ADGRL2: variants seen among roughly 807,000 people sequenced by gnomAD.
ADGRL2 encodes the protein calcium-independent alpha-latrotoxin receptor 2.
A neutral mutation model predicts 157.4 loss-of-function variants in ADGRL2; 44 were observed. That is an observed-to-expected ratio of 0.28 (90% CI 0.22 to 0.36). ADGRL2 has a LOEUF of 0.36. Ranked by LOEUF, ADGRL2 falls within the 10% of genes least tolerant of loss-of-function variation. The pLI, the probability that ADGRL2 is intolerant of heterozygous loss-of-function variation, is 1.00. For synonymous variants in ADGRL2, 585 were observed against 624.7 expected (o/e 0.94, Z 0.95); for missense variants, 1,510 against 1,768.9 (o/e 0.85, Z 2.63).
At chr1:81,581,704 T>C (rs1570562861) in intron 3 of ADGRL2, among the ~76,000 whole-genome samples, 1 of 152,150 alleles carries the variant, frequency 6.6e-6, no homozygotes, top group African/African-American at 2.4e-5. Context: ...TCATCAATAC[T>C]TCTGGAGTTT....
At chr1:81,485,160 T>A (rs1426040495) in intron 2 of ADGRL2, among the ~76,000 whole-genome samples, 1 of 145,144 alleles carries the variant, frequency 6.9e-6, no homozygotes, top group African/African-American at 2.6e-5. Context: ...AAAGAAAAAA[T>A]ATGTGTTTGA....
intron 1 of ADGRL2, among the ~76,000 whole-genome samples, chr1:81,820,896 C>T (rs2090926952): frequency 6.6e-6 from 1 of 152,118 alleles, no homozygotes; most frequent in South Asian, 2.1e-4. Flanking sequence ...TGTAGTTCTC[C>T]ATGGCCTATA....
At position 81,634,229 on chromosome 1, in the gene ADGRL2, A is replaced by C. The variant is rs560029854; in HGVS notation, c.-143+53249A>C. Among the ~76,000 whole-genome samples, 5 of 152,232 alleles carry C rather than the reference A, an allele frequency of 3.3e-5. No homozygotes were observed. In the East Asian group the frequency reaches 9.7e-4, roughly 30 times the overall value. ...TAATATTAACCACCGAACCCAATTAATCTCTTGCCCAGACTACTACAAAAG... is the reference window on the plus strand; with the variant it reads ...TAATATTAACCACCGAACCCAATTACTCTCTTGCCCAGACTACTACAAAAG... On this transcript the variant is annotated intron_variant, in intron 3 of 24. Transcript: ENST00000370721.
chr1:81,416,391 A>G (rs1025796841), intron 1 of ADGRL2, among the ~76,000 whole-genome samples: 2 of 151,862 alleles, frequency 1.3e-5, no homozygotes, highest in African/African-American at 2.4e-5. Flanking sequence ...TACCTCTTAC[A>G]TTAACAGAGA....
At chr1:81,919,552 A>G (rs1002579592) in intron 3 of ADGRL2, among the ~76,000 whole-genome samples, 4 of 100,514 alleles carry the variant, frequency 4.0e-5, no homozygotes, top group African/African-American at 1.5e-4. Context: ...AGTAAATGAA[A>G]GCTTTTTTTT....
At chr1:81,759,930 G>T (rs2085815928) in intron 1 of ADGRL2, among the ~76,000 whole-genome samples, 1 of 152,090 alleles carries the variant, frequency 6.6e-6, no homozygotes, top group Non-Finnish European at 1.5e-5. Context: ...ACTGGAGGTT[G>T]TTTCCTTTAC....
At chr1:81,705,257 T>A (rs928039701) in intron 1 of ADGRL2, among the ~76,000 whole-genome samples, 5 of 152,060 alleles carry the variant, frequency 3.3e-5, no homozygotes, top group Non-Finnish European at 7.4e-5. Context: ...GGTCTTGAAC[T>A]CCTGACCTTG....
At chr1:81,423,405 C>T (rs2077159808) in intron 1 of ADGRL2, among the ~76,000 whole-genome samples, 1 of 152,154 alleles carries the variant, frequency 6.6e-6, no homozygotes, top group Admixed American at 6.5e-5. Context: ...CCTATACCTA[C>T]TATTCAATGC....
At chr1:81,605,926 A>T (rs79324051) in intron 3 of ADGRL2, among the ~76,000 whole-genome samples, 4,011 of 152,310 alleles carry the variant, frequency 0.026, 169 homozygotes, top group African/African-American at 0.091. Flanking sequence ...GATGACTAAA[A>T]TTTTAAAACT....
chr1:81,441,947 C>T (rs948840515), intron 1 of ADGRL2, among the ~76,000 whole-genome samples: 5 of 152,154 alleles, frequency 3.3e-5, no homozygotes, highest in Non-Finnish European at 7.3e-5. Context: ...GTGATCTTCT[C>T]ACCTCAGCCT....
At position 81,894,429 on chromosome 1, in the gene ADGRL2, CTAGAG is replaced by C. The variant is rs528451434; in HGVS notation, c.74-12585_74-12581del. On this transcript the variant is annotated intron_variant, in intron 2 of 23. Transcript: ENST00000686636. ...AATAGCACAATAGTCACAGCATTCACTAGAGTATTTTTGTTTCTTTTGTGTGTATC... is the reference window on the plus strand; with the variant it reads ...AATAGCACAATAGTCACAGCATTCACTATTTTTGTTTCTTTTGTGTGTATC... Among the ~76,000 whole-genome samples, 257 of 152,218 alleles carry C rather than the reference CTAGAG, an allele frequency of 1.7e-3. 1 individual carries two copies. Among genetic ancestry groups the C allele is most frequent in the Non-Finnish European group, 2.6e-3 (175 of 67,998 alleles).
In ADGRL2 at chr1:81,352,621, G is replaced by A. The variant is rs182764880; in HGVS notation, c.-302+46112G>A. The stretch of plus-strand genomic sequence containing the variant: ...CAATGGCGATTAAATAAGGATTAGT[G>A]TTATATGGCCTTCCTATCAACTTAA... On this transcript the variant is annotated intron_variant, in intron 1 of 24. Transcript: ENST00000370721. 3.4e-4 allele frequency among the ~76,000 whole-genome samples: 52 copies of A among 152,290 alleles called. No homozygotes were observed. The East Asian group carries it at 7.2e-3, about 21-fold the overall frequency.
At chr1:81,697,615 A>G (rs2083472476), upstream of ADGRL2, among the ~76,000 whole-genome samples, 1 of 152,162 alleles carries the variant, frequency 6.6e-6, no homozygotes, top group Non-Finnish European at 1.5e-5. Context: ...AATGACACAA[A>G]ATGAAATGTG....
intron 2 of ADGRL2, among the ~76,000 whole-genome samples, chr1:81,861,204 A>T (rs1022517778): frequency 6.6e-6 from 1 of 151,990 alleles, no homozygotes; most frequent in Non-Finnish European, 1.5e-5. Flanking sequence ...TATTTTTAGT[A>T]AAGACGGGGT....
chr1:81,974,581 A>T (rs1204160835), intron 17 of ADGRL2, among the ~76,000 whole-genome samples: 1 of 152,136 alleles, frequency 6.6e-6, no homozygotes, highest in Non-Finnish European at 1.5e-5. Context: ...GGGAGGACAA[A>T]AAGGGTCAGA....
chr1:81,778,886 T>G (rs1024807311), intron 2 of ADGRL2, among the ~76,000 whole-genome samples: 6 of 152,246 alleles, frequency 3.9e-5, no homozygotes, highest in African/African-American at 1.4e-4. Flanking sequence ...CGTTTGTAGT[T>G]GTATGATCTT....
intron 1 of ADGRL2, among the ~76,000 whole-genome samples, chr1:81,312,908 C>G (rs1659853223): frequency 6.6e-6 from 1 of 152,084 alleles, no homozygotes; most frequent in Admixed American, 6.6e-5. Context: ...AGAAAGAGTA[C>G]TAGTTTCAGA....
chr1:81,411,593 T>C (rs1261729537), intron 1 of ADGRL2, among the ~76,000 whole-genome samples: 1 of 152,122 alleles, frequency 6.6e-6, no homozygotes, highest in East Asian at 1.9e-4. Flanking sequence ...TGGAAATAGT[T>C]TTAAAGTTTT....
chr1:81,710,677 G>A (rs1237610326), intron 1 of ADGRL2, among the ~76,000 whole-genome samples: 1 of 146,492 alleles, frequency 6.8e-6, no homozygotes, highest in African/African-American at 2.5e-5. Flanking sequence ...ACATCTCTCA[G>A]TATTTACCAC....
Sources: gnomAD v4.1 joint callset for allele counts (sites outside exome capture counted in the v4.1 genomes callset) on GRCh38, gnomAD v4.1.1 for gene constraint, MANE v1.5 for transcripts, NCBI Gene and HGNC (gene_info 2026-07-23, HGNC 2026-07-21) for gene names.